Variants in PLOD2 observed in about 807,000 individuals in gnomAD.
PLOD2 encodes the protein lysine hydroxylase 2.
In PLOD2, 65 loss-of-function variants were observed where a neutral mutation model predicts 101.0. The ratio of observed to expected loss-of-function variants is 0.64; its 90% CI spans 0.53 to 0.79. The LOEUF (loss-of-function observed/expected upper bound fraction) is 0.79, where lower values mean the gene tolerates loss of function less well. Ranked by LOEUF, PLOD2 falls within the 30% of genes least tolerant of loss-of-function variation. The pLI, the probability that PLOD2 is intolerant of heterozygous loss-of-function variation, is 0.00. For synonymous variants in PLOD2, 314 were observed against 302.9 expected (o/e 1.04, Z -0.38); for missense variants, 909 against 914.6 (o/e 0.99, Z 0.08).
intron 7 of PLOD2, among the ~76,000 whole-genome samples, chr3:146,098,426 A>C (rs914425621): frequency 1.3e-5 from 2 of 152,150 alleles, no homozygotes; most frequent in African/African-American, 4.8e-5. Flanking sequence ...AATTATTTAA[A>C]ATACCTAAAT....
rs202138579 is a variant in PLOD2, at chr3:146,090,966, CA to C, written c.879+833del. On this transcript the variant is annotated intron_variant, in intron 8 of 19. Transcript: ENST00000282903. Reference sequence around the variant, plus strand: ...TCAATGCTTCATACATATAATCTTCCATGTTATGTCAGCAATTTTTTGGAAT... The same window carrying C: ...TCAATGCTTCATACATATAATCTTCCTGTTATGTCAGCAATTTTTTGGAAT... Among the ~76,000 whole-genome samples, 3 of 151,760 alleles carry C rather than the reference CA, an allele frequency of 2.0e-5. No homozygotes were observed. The East Asian group carries it at 5.8e-4, about 29-fold the overall frequency.
intron 11 of PLOD2, among the ~76,000 whole-genome samples, chr3:146,083,244 T>C (rs1936625553): frequency 6.6e-6 from 1 of 152,194 alleles, no homozygotes; most frequent in African/African-American, 2.4e-5. Flanking sequence ...ATGATTCATA[T>C]TATTATACAA....
intron 7 of PLOD2, among the ~76,000 whole-genome samples, chr3:146,093,737 C>T (rs1012488311): frequency 6.6e-6 from 1 of 152,030 alleles, no homozygotes; most frequent in African/African-American, 2.4e-5. Context: ...TCTCAGAAAT[C>T]TTATTAAAAA....
At chr3:146,136,588 T>C (rs1559867440) in intron 1 of PLOD2, among the ~76,000 whole-genome samples, 1 of 152,216 alleles carries the variant, frequency 6.6e-6, no homozygotes, top group Non-Finnish European at 1.5e-5. Context: ...CCATCAATGA[T>C]GAGCCACATA....
Position 146,093,614 on chromosome 3 carries a change from A to G in PLOD2, c.778-1713T>C, listed in dbSNP as rs77645307. On this transcript the variant is annotated intron_variant, in intron 7 of 19. Coordinates refer to ENST00000282903, the MANE Select transcript of PLOD2 (RefSeq NM_182943.3). ...AAGAATATGCAAGGGTGAAAAGCATAGTTTTATTTAAAATATCCTGAGAAA... is the reference window on the plus strand; with the variant it reads ...AAGAATATGCAAGGGTGAAAAGCATGGTTTTATTTAAAATATCCTGAGAAA... Among the ~76,000 whole-genome samples the G allele has an allele frequency of 7.8e-3, 1,195 of 152,352 alleles. 38 individuals are homozygous for G. The East Asian group carries it at 0.11, about 14-fold the overall frequency.
At chr3:146,149,342 ATC>A (rs1229492255) in intron 1 of PLOD2, among the ~76,000 whole-genome samples, 7 of 152,186 alleles carry the variant, frequency 4.6e-5, no homozygotes, top group Non-Finnish European at 7.4e-5. Flanking sequence ...AAGAATTTAA[ATC>A]TGGTTATAGA....
rs1936549723 is a variant in PLOD2, at chr3:146,081,827, C to A, written c.1269G>T (p.Lys423Asn). The A allele has an allele frequency of 6.2e-7, 1 of 1,612,568 alleles. No individual in the cohort carries two copies. The highest frequency in any genetic ancestry group is 8.5e-7 in the Non-Finnish European group (1 of 1,178,892). ...ATGCTCCCCAGAAATTGGACCACAG[C>A]TTTCCATGACGAGTTACAAGAGGAG... ...IIAPLVTRHGKLWSNFWGALS... is the reference protein window; with the variant it reads ...IIAPLVTRHGNLWSNFWGALS... Residue 423 changes from lysine (K) to asparagine (N), a missense_variant, in exon 12 of 20, where the codon AAG (lysine) becomes AAT (asparagine). Physicochemically the swap from Lys to Asn is moderately conservative, Grantham distance 94. Transcript: ENST00000282903.
chr3:146,083,413 C>T (rs1936632050), intron 11 of PLOD2, among the ~76,000 whole-genome samples: 1 of 152,066 alleles, frequency 6.6e-6, no homozygotes, highest in Non-Finnish European at 1.5e-5. Context: ...ACATTCCTGG[C>T]ATATGTCAAT....
chr3:146,100,830 C>T (rs566242854), intron 7 of PLOD2, among the ~76,000 whole-genome samples: 1 of 152,080 alleles, frequency 6.6e-6, no homozygotes, highest in South Asian at 2.1e-4. Context: ...AACTTCATAC[C>T]TAAGTTCACA....
intron 19 of PLOD2, 56 bp downstream of exon 19, chr3:146,070,986 T>C: frequency 6.5e-7 from 1 of 1,547,664 alleles, no homozygotes; most frequent in Non-Finnish European, 8.9e-7. Flanking sequence ...GGCAAAGTCC[T>C]TTTCATAATG....
At chr3:146,101,179 C>A (rs1937376750) in intron 7 of PLOD2, among the ~76,000 whole-genome samples, 1 of 152,040 alleles carries the variant, frequency 6.6e-6, no homozygotes, top group African/African-American at 2.4e-5. Context: ...TTAGGAAAGA[C>A]ACAGGAGTTA....
intron 1 of PLOD2, among the ~76,000 whole-genome samples, chr3:146,134,041 G>A (rs866140533): frequency 6.6e-6 from 1 of 152,074 alleles, no homozygotes; most frequent in African/African-American, 2.4e-5. Context: ...CTGAATAGTT[G>A]AGGGATTGAG....
chr3:146,107,690 G>A (rs1353972419), intron 4 of PLOD2, among the ~76,000 whole-genome samples: 1 of 136,406 alleles, frequency 7.3e-6, no homozygotes, highest in African/African-American at 2.7e-5. Context: ...AGGCTGGAGT[G>A]CAAAGGCACA....
At chr3:146,071,499 AC>A in intron 17 of PLOD2, 76 bp from the exon 18 acceptor site, 1 of 1,329,986 alleles carries the variant, frequency 7.5e-7, no homozygotes, top group Non-Finnish European at 1.1e-6. Flanking sequence ...TTTTTTTTCA[AC>A]CACAGATCAT....
chr3:146,120,203 G>C (rs1476843076), intron 3 of PLOD2, among the ~76,000 whole-genome samples: 2 of 152,104 alleles, frequency 1.3e-5, no homozygotes, highest in African/African-American at 4.8e-5. Flanking sequence ...GTGATGATGA[G>C]CATTTTTTCA....
At chr3:146,111,535 A>T (rs897661639) in intron 3 of PLOD2, among the ~76,000 whole-genome samples, 3 of 152,234 alleles carry the variant, frequency 2.0e-5, no homozygotes, top group African/African-American at 7.2e-5. Flanking sequence ...AACACTGAAC[A>T]AAGTTAAAAA....
intron 1 of PLOD2, among the ~76,000 whole-genome samples, chr3:146,139,857 A>T (rs1420347649): frequency 6.6e-6 from 1 of 152,120 alleles, no homozygotes; most frequent in Admixed American, 6.6e-5. Flanking sequence ...GAAGAATGTC[A>T]CTGTGGAAAA....
intron 1 of PLOD2, among the ~76,000 whole-genome samples, chr3:146,148,148 C>A (rs1576629231): frequency 6.6e-6 from 1 of 151,952 alleles, no homozygotes; most frequent in African/African-American, 2.4e-5. Context: ...CCGGATCAAA[C>A]AAACCAACTA....
chr3:146,093,140 C>A (rs1361457489), intron 7 of PLOD2, among the ~76,000 whole-genome samples: 1 of 152,144 alleles, frequency 6.6e-6, no homozygotes. Context: ...TAGTTGGGTA[C>A]CATTTTGCCA....
Sources: gnomAD v4.1 joint callset for allele counts (sites outside exome capture counted in the v4.1 genomes callset) on GRCh38, gnomAD v4.1.1 for gene constraint, MANE v1.5 for transcripts, NCBI Gene and HGNC (gene_info 2026-07-23, HGNC 2026-07-21) for gene names.